Variants in SIPA1L3 observed in about 807,000 individuals in gnomAD.
SIPA1L3 encodes signal-induced proliferation-associated 1-like protein 3.
A neutral mutation model predicts 150.1 loss-of-function variants in SIPA1L3; 59 were observed. The observed-to-expected ratio is 0.39, with a 90% CI of 0.32 to 0.49. The LOEUF (loss-of-function observed/expected upper bound fraction) is 0.49. Ranked by LOEUF, SIPA1L3 falls within the 20% of genes least tolerant of loss-of-function variation. The pLI is 0.86. For synonymous variants in SIPA1L3, 1,070 were observed against 1,077.6 expected, an observed-to-expected ratio of 0.99 and a Z score of 0.14; for missense variants, 2,211 against 2,489.5, an observed-to-expected ratio of 0.89 and a Z score of 2.38.
At chr19:38,097,000 A>G (rs1264237432) in intron 4 of SIPA1L3, among the ~76,000 whole-genome samples, 5 of 152,232 alleles carry the variant, frequency 3.3e-5, no homozygotes, top group African/African-American at 7.2e-5. Context: ...TCGCAACAGC[A>G]TAGCTGCAGC....
intron 17 of SIPA1L3, 120 bp downstream of exon 17, chr19:38,192,430 C>A: frequency 1.0e-6 from 1 of 963,594 alleles, no homozygotes; most frequent in Non-Finnish European, 1.5e-6. Flanking sequence ...CGTCGTGTCC[C>A]CAGCCTTTGG....
intron 2 of SIPA1L3, among the ~76,000 whole-genome samples, chr19:38,036,720 T>C (rs141312528): frequency 6.3e-4 from 96 of 152,236 alleles, no homozygotes; most frequent in East Asian, 2.3e-3. Flanking sequence ...ATCCTAGAGG[T>C]TGGACACAAC....
chr19:37,931,333 G>A (rs898321528), intron 1 of SIPA1L3, among the ~76,000 whole-genome samples: 3 of 151,832 alleles, frequency 2.0e-5, no homozygotes, highest in Non-Finnish European at 2.9e-5. Context: ...ACAACACAGT[G>A]AGACCCTTGT....
At chr19:38,032,852 C>A (rs1311269331) in intron 2 of SIPA1L3, among the ~76,000 whole-genome samples, 70 of 145,936 alleles carry the variant, frequency 4.8e-4, no homozygotes, top group South Asian at 8.8e-4. Flanking sequence ...GACTCGGTCT[C>A]AAAAAAAAAA....
Position 38,090,330 on chromosome 19 carries a change from C to CAAA in SIPA1L3, c.1665+1495_1665+1497dup, listed in dbSNP as rs55941671. On this transcript the variant is annotated intron_variant, in intron 4 of 21. Transcript: ENST00000222345. Reference sequence around the variant, plus strand: ...AGGTGACAAATGCAAAACTCCATCTCAAAAAAAAAAAAAAAAAAGGCTTAC... The same window carrying CAAA: ...AGGTGACAAATGCAAAACTCCATCTCAAAAAAAAAAAAAAAAAAAAAGGCTTAC... Among the ~76,000 whole-genome samples, 145 of 70,304 alleles carry CAAA rather than the reference C, an allele frequency of 2.1e-3. 6 individuals carry two copies. In the East Asian group the frequency reaches 0.033, roughly 16 times the overall value. 46.1% of individuals were successfully genotyped at this position (70,304 alleles called of 152,430 possible).
chr19:38,005,562 C>CT (rs772935842), intron 1 of SIPA1L3, among the ~76,000 whole-genome samples: 1 of 152,128 alleles, frequency 6.6e-6, no homozygotes, highest in African/African-American at 2.4e-5. Context: ...GCTCCGAAGC[C>CT]CACCCCGCCC....
At chr19:38,138,910 A>AAAAAAAAAAAAAAAAACAAAAAC (rs1343348254) in intron 10 of SIPA1L3, among the ~76,000 whole-genome samples, 21 of 112,856 alleles carry the variant, frequency 1.9e-4, no homozygotes, top group African/African-American at 4.2e-4. Flanking sequence ...AAAAAAAAAA[A>AAAAAAAAAAAAAAAAACAAAAAC]AAAAACTGAG....
At chr19:38,141,571 T>C in intron 11 of SIPA1L3, 136 bp downstream of exon 11, 1 of 940,794 alleles carries the variant, frequency 1.1e-6, no homozygotes, top group Admixed American at 2.7e-5. Context: ...TATCCTTATG[T>C]CTCCCTTGTT....
At chr19:37,908,198 C>T (rs2046351143) in intron 1 of SIPA1L3, among the ~76,000 whole-genome samples, 2 of 152,094 alleles carry the variant, frequency 1.3e-5, no homozygotes, top group East Asian at 1.9e-4. Context: ...TAGTATTGGT[C>T]ACCCCCGAGG....
intron 16 of SIPA1L3, among the ~76,000 whole-genome samples, chr19:38,191,600 G>A (rs924759328): frequency 1.3e-5 from 2 of 151,986 alleles, no homozygotes; most frequent in African/African-American, 2.4e-5. Context: ...ATCACCTGAG[G>A]TCAGGAGTTC....
intron 2 of SIPA1L3, among the ~76,000 whole-genome samples, chr19:38,039,961 A>G (rs940017599): frequency 2.6e-5 from 4 of 152,048 alleles, no homozygotes; most frequent in African/African-American, 9.7e-5. Context: ...ACAAAGAAAA[A>G]AAATAGCCAA....
At chr19:38,109,225 G>A (rs1328578966) in intron 7 of SIPA1L3, among the ~76,000 whole-genome samples, 1 of 152,200 alleles carries the variant, frequency 6.6e-6, no homozygotes, top group Non-Finnish European at 1.5e-5. Flanking sequence ...AGGCCTCACA[G>A]TCATGGCAGA....
At chr19:37,968,436 C>G (rs2046925265) in intron 1 of SIPA1L3, among the ~76,000 whole-genome samples, 1 of 152,206 alleles carries the variant, frequency 6.6e-6, no homozygotes, top group Non-Finnish European at 1.5e-5. Context: ...CTTGCCTCCT[C>G]TATTCCATTT....
chr19:38,048,668 G>C (rs1969114930), intron 2 of SIPA1L3, among the ~76,000 whole-genome samples: 1 of 152,198 alleles, frequency 6.6e-6, no homozygotes, highest in Non-Finnish European at 1.5e-5. Context: ...CCCTAAGTTA[G>C]CAAATCGTGT....
chr19:37,931,211 C>T (rs548381745), intron 1 of SIPA1L3, among the ~76,000 whole-genome samples: 98 of 152,282 alleles, frequency 6.4e-4, no homozygotes, highest in African/African-American at 2.1e-3. Context: ...GCATAGTGCT[C>T]ACCATAAAGA....
At chr19:37,939,632 G>A (rs562176229) in intron 1 of SIPA1L3, among the ~76,000 whole-genome samples, 9 of 152,224 alleles carry the variant, frequency 5.9e-5, no homozygotes, top group Admixed American at 1.3e-4. Context: ...TAGCCATTAC[G>A]TCCCAGGAGG....
intron 15 of SIPA1L3, among the ~76,000 whole-genome samples, chr19:38,174,061 ATC>A: frequency 6.6e-6 from 1 of 152,118 alleles, no homozygotes; most frequent in East Asian, 1.9e-4. Context: ...TGTTCCCAGG[ATC>A]TCTCTGGCTG....
In SIPA1L3 at chr19:38,164,590, C is replaced by CA; in HGVS notation, c.3894dup (p.Asp1299ArgfsTer9). ...CCCCCTGGACCCCCTGGAGCCAGAG[C>CA]AAGACCCCCTCTCCAAGGGTGGCTC... On this transcript the variant is annotated frameshift_variant, in exon 15 of 22. Coordinates refer to ENST00000222345, the MANE Select transcript of SIPA1L3 (RefSeq NM_015073.3). LOFTEE classifies it high-confidence loss of function. This position sits in a 1 kb window ranked among gnomAD's most constrained non-coding sequence, Gnocchi z 4.1. 2 of 1,614,152 alleles carry CA rather than the reference C, an allele frequency of 1.2e-6. No individual in the cohort carries two copies. Among genetic ancestry groups the CA allele is most frequent in the Non-Finnish European group, 1.7e-6 (2 of 1,180,006 alleles).
intron 1 of SIPA1L3, among the ~76,000 whole-genome samples, chr19:37,995,257 G>C (rs1022270197): frequency 6.6e-6 from 1 of 152,208 alleles, no homozygotes; most frequent in Non-Finnish European, 1.5e-5. Flanking sequence ...AGAGACAGGG[G>C]ATGGCAGTGG....
Sources: gnomAD v4.1 joint callset for allele counts (sites outside exome capture counted in the v4.1 genomes callset) on GRCh38, gnomAD v4.1.1 for gene constraint, Gnocchi (gnomAD v3.1) non-coding constraint, MANE v1.5 for transcripts, NCBI Gene and HGNC (gene_info 2026-07-23, HGNC 2026-07-21) for gene names.